Variants in ALDH1A1 observed in about 807,000 individuals in gnomAD.
ALDH1A1 encodes aldehyde dehydrogenase 1A1.
In ALDH1A1, 19 loss-of-function variants were observed where a neutral mutation model predicts 62.1. The observed-to-expected ratio is 0.31, with a 90% CI of 0.21 to 0.45. ALDH1A1 has a LOEUF of 0.45. Ranked by LOEUF, ALDH1A1 falls within the 20% of genes least tolerant of loss-of-function variation. The pLI is 1.00. For synonymous variants in ALDH1A1, 231 were observed against 215.9 expected (o/e 1.07, Z -0.61); for missense variants, 521 against 607.1 (o/e 0.86, Z 1.49).
chr9:72,914,000 C>A (rs757884558), intron 9 of ALDH1A1, among the ~76,000 whole-genome samples: 14 of 152,184 alleles, frequency 9.2e-5, no homozygotes, highest in Non-Finnish European at 2.1e-4. Flanking sequence ...ATAAACTTGA[C>A]CTTCTTTCTG....
Position 72,932,279 on chromosome 9 carries a change from T to A in ALDH1A1, c.172-1260A>T, listed in dbSNP as rs8187913. ...AAAAAGTAATGACCCTAGATTTTTT[T>A]AAAAAATTGTACACAATTAAGCTAA... On this transcript the variant is annotated intron_variant, in intron 2 of 12. Transcript: ENST00000297785. Among the ~76,000 whole-genome samples the A allele has an allele frequency of 3.7e-3, 567 of 152,298 alleles. 3 individuals are homozygous for A. Among genetic ancestry groups the A allele is most frequent in the Admixed American group, 7.1e-3 (109 of 15,302 alleles).
rs1296050308 is a variant in ALDH1A1, at chr9:72,907,142, C to T, written c.1359-1110G>A. Among the ~76,000 whole-genome samples, 3 of 152,212 alleles carry T rather than the reference C, an allele frequency of 2.0e-5. No homozygotes were observed. In the East Asian group the frequency reaches 5.8e-4, roughly 29 times the overall value. Reference sequence around the variant, plus strand: ...CAGTTCCCGAAGTTCCACATTCTCACTGGACCATAAAGTTCTTAACTATGT... The same window carrying T: ...CAGTTCCCGAAGTTCCACATTCTCATTGGACCATAAAGTTCTTAACTATGT... On this transcript the variant is annotated intron_variant, in intron 11 of 12. Transcript: ENST00000297785.
At chr9:72,918,975 C>T (rs772198102) in intron 7 of ALDH1A1, among the ~76,000 whole-genome samples, 153 bp from the exon 8 acceptor site, 1 of 152,092 alleles carries the variant, frequency 6.6e-6, no homozygotes. Context: ...AAGTCTCACA[C>T]TGTCGACTGG....
intron 10 of ALDH1A1, 95 bp downstream of exon 10, chr9:72,911,863 T>C: frequency 7.2e-7 from 1 of 1,386,514 alleles, no homozygotes; most frequent in Middle Eastern, 1.8e-4. Flanking sequence ...GGAAAGATGT[T>C]CCAAAGAGCT....
rs762686506 is a variant in ALDH1A1 at position 72,928,896 on chromosome 9, T to G, written c.438A>C (p.Pro146=). 1 of 1,613,202 alleles carries G rather than the reference T, an allele frequency of 6.2e-7. No homozygotes were observed. The highest frequency in any genetic ancestry group is 8.5e-7 in the Non-Finnish European group (1 of 1,179,658). The part of the protein sequence containing the change: ...WADKIQGRTI[P]IDGNFFTYTR... ...TGGTTTCTCAAAGATACTTACCAAT[T>G]GGTATTGTACGGCCCTGGATCTTGT... The change falls in exon 4 of 13, where the codon CCA becomes CCC. Residue 146 remains proline (P), a synonymous_variant. Transcript: ENST00000297785.
intron 9 of ALDH1A1, 101 bp downstream of exon 9, chr9:72,916,819 G>T: frequency 1.1e-6 from 1 of 928,332 alleles, no homozygotes; most frequent in Non-Finnish European, 1.5e-6. Context: ...ACCTAGGAAG[G>T]TGTGCAGATG....
intron 1 of ALDH1A1, among the ~76,000 whole-genome samples, chr9:72,946,418 A>T (rs901737572): frequency 6.6e-6 from 1 of 151,982 alleles, no homozygotes; most frequent in Non-Finnish European, 1.5e-5. Flanking sequence ...TCCATTAGTA[A>T]GTCAAACGTT....
intron 2 of ALDH1A1, among the ~76,000 whole-genome samples, chr9:72,938,424 A>T (rs1450819306): frequency 7.2e-5 from 11 of 152,116 alleles, no homozygotes; most frequent in Admixed American, 7.2e-4. Context: ...TAAAAAGTTT[A>T]TTTAATATTA....
chr9:72,918,533 T>C (rs927805504), intron 8 of ALDH1A1, among the ~76,000 whole-genome samples, 187 bp downstream of exon 8: 26 of 152,092 alleles, frequency 1.7e-4, no homozygotes, highest in Non-Finnish European at 1.5e-5. Flanking sequence ...CTATTATCTA[T>C]GTGTTATAAC....
chr9:72,902,365 T>G (rs555314674), intron 12 of ALDH1A1, among the ~76,000 whole-genome samples: 17 of 152,150 alleles, frequency 1.1e-4, no homozygotes, highest in Non-Finnish European at 2.2e-4. Flanking sequence ...TCTTGATCCT[T>G]TTTTACCCCT....
At chr9:72,914,008 C>A (rs1240526829) in intron 9 of ALDH1A1, among the ~76,000 whole-genome samples, 5 of 152,194 alleles carry the variant, frequency 3.3e-5, no homozygotes, top group African/African-American at 1.2e-4. Flanking sequence ...GACCTTCTTT[C>A]TGGACACCTG....
intron 12 of ALDH1A1, among the ~76,000 whole-genome samples, chr9:72,903,917 C>A (rs1339447138): frequency 6.6e-6 from 1 of 152,028 alleles, no homozygotes; most frequent in African/African-American, 2.4e-5. Context: ...TTTGTTCTTA[C>A]TTTTTGTACA....
rs1193464113 is a variant in ALDH1A1, at chr9:72,942,245, G to C, written c.67-1993C>G. 3 of 942,546 alleles carry C rather than the reference G, an allele frequency of 3.2e-6. No individual in the cohort carries two copies. In the South Asian group the frequency reaches 1.5e-4, roughly 46 times the overall value. The allele number at this position is 942,546 out of a possible 1,614,324, so 58.4% of individuals were successfully genotyped here. On this transcript the variant is annotated intron_variant, in intron 1 of 12. Transcript: ENST00000297785. Reference sequence around the variant, plus strand: ...GAGTGTTTCCATTTATGCCCTTACAGCTTAGTATTTTTCTTCTCAAGGGAT... The same window carrying C: ...GAGTGTTTCCATTTATGCCCTTACACCTTAGTATTTTTCTTCTCAAGGGAT...
chr9:72,909,446 C>A (rs544301326), intron 11 of ALDH1A1, among the ~76,000 whole-genome samples, 156 bp downstream of exon 11: 3 of 152,258 alleles, frequency 2.0e-5, no homozygotes, highest in African/African-American at 7.2e-5. Flanking sequence ...GCATGAGCCA[C>A]CGCACCCAGC....
At chr9:72,916,883 T>A (rs1176935406) in intron 9 of ALDH1A1, 37 bp downstream of exon 9, 1 of 1,501,284 alleles carries the variant, frequency 6.7e-7, no homozygotes. Flanking sequence ...TTTATTCCTG[T>A]GCCCTGAAAA....
At chr9:72,902,970 A>G (rs1240514526) in intron 12 of ALDH1A1, among the ~76,000 whole-genome samples, 2 of 151,960 alleles carry the variant, frequency 1.3e-5, no homozygotes, top group Non-Finnish European at 2.9e-5. Flanking sequence ...ACACTGTAAA[A>G]AAAAAAAAGG....
chr9:72,904,614 T>G (rs1347652297), intron 12 of ALDH1A1, among the ~76,000 whole-genome samples: 2 of 152,132 alleles, frequency 1.3e-5, no homozygotes, highest in Non-Finnish European at 2.9e-5. Context: ...CTATAGAATC[T>G]TAAGCATGGA....
intron 1 of ALDH1A1, among the ~76,000 whole-genome samples, chr9:72,948,934 A>T (rs1337127829): frequency 6.6e-6 from 1 of 151,818 alleles, no homozygotes; most frequent in Non-Finnish European, 1.5e-5. Context: ...TTGTTGTAAG[A>T]ATTTAAAGAG....
At chr9:72,908,458 A>G (rs4990321) in intron 11 of ALDH1A1, among the ~76,000 whole-genome samples, 1,256 of 68,908 alleles carry the variant, frequency 0.018, 202 homozygotes, top group African/African-American at 0.039. Context: ...AAAAAAAAAA[A>G]AAGAAGAAAG....
Sources: allele counts gnomAD v4.1 joint callset (sites outside exome capture counted in the v4.1 genomes callset), GRCh38; gene constraint gnomAD v4.1.1; transcripts MANE v1.5; gene names NCBI Gene and HGNC (gene_info 2026-07-23, HGNC 2026-07-21).